Variants in IKBKE observed in about 807,000 individuals in gnomAD.
The protein encoded by IKBKE is inhibitor of nuclear factor kappa-B kinase subunit epsilon.
A neutral mutation model predicts 92.1 loss-of-function variants in IKBKE; 45 were observed. That is an observed-to-expected ratio of 0.49 (90% CI 0.38 to 0.63). The LOEUF is 0.63. Among genes scored for constraint, IKBKE ranks in the 20% least tolerant of loss-of-function variants. The pLI, the probability that IKBKE is intolerant of heterozygous loss-of-function variation, is 0.00. For synonymous variants in IKBKE, 374 were observed against 380.3 expected, an observed-to-expected ratio of 0.98 and a Z score of 0.19; for missense variants, 700 against 932.8, an observed-to-expected ratio of 0.75 and a Z score of 3.25.
rs1420544257 is a variant in IKBKE at position 206,473,438 on chromosome 1, G to T, written c.87+124G>T. ...TGGGACAGGGACCTCTGGATGTTGT[G>T]TAGCACACTCATACTGTGGGTTTGA... On this transcript the variant is annotated intron_variant, in intron 3 of 21. Transcript: ENST00000581977. The T allele has an allele frequency of 7.3e-6, 5 of 683,532 alleles. No homozygotes were observed. The Admixed American group carries it at 1.4e-4, about 19-fold the overall frequency. 42.3% of individuals were successfully genotyped at this position (683,532 alleles called of 1,614,324 possible).
At chr1:206,474,179 G>A (rs782237456) in intron 3 of IKBKE, 152 bp from the exon 4 acceptor site, 71 of 691,252 alleles carry the variant, frequency 1.0e-4, no homozygotes, top group South Asian at 4.0e-4. Context: ...AAGGCGGTGC[G>A]GATGGGAGCC....
At position 206,476,429 on chromosome 1, in the gene IKBKE, A is replaced by G; in HGVS notation, c.540+67A>G. The G allele has an allele frequency of 6.6e-7, 1 of 1,506,096 alleles. No individual in the cohort carries two copies. The highest frequency in any genetic ancestry group is 9.1e-7 in the Non-Finnish European group (1 of 1,102,666). The allele number at this position is 1,506,096 out of a possible 1,614,324, so 93.3% of individuals were successfully genotyped here. A position where few individuals can be genotyped will look rare whatever the true frequency, so the allele number is the denominator to read the frequency against. On this transcript the variant is annotated intron_variant, in intron 6 of 21. Transcript: ENST00000581977. This position sits in a 1 kb window ranked among gnomAD's most constrained non-coding sequence, Gnocchi z 5.1. ...TCCCCTTGCCTTGTGAGCCCCCCAGAGCCCCCATGAGGGGGTGTGGCCCAC... is the reference window on the plus strand; with the variant it reads ...TCCCCTTGCCTTGTGAGCCCCCCAGGGCCCCCATGAGGGGGTGTGGCCCAC...
chr1:206,476,552 T>C lies in IKBKE; in HGVS notation c.541-126T>C. On this transcript the variant is annotated intron_variant, in intron 6 of 21. Coordinates refer to ENST00000581977, the MANE Select transcript of IKBKE (RefSeq NM_014002.4). The surrounding 1 kb of genome is among the most constrained non-coding windows in gnomAD (Gnocchi z 5.1). ...GAAAAGGTGAGGCTGACACCCATTTTTAAGATGACAAAGAAGGATTTGAAC... is the reference window on the plus strand; with the variant it reads ...GAAAAGGTGAGGCTGACACCCATTTCTAAGATGACAAAGAAGGATTTGAAC... 1 of 1,253,996 alleles carries C rather than the reference T, an allele frequency of 8.0e-7. No homozygotes were observed. Among genetic ancestry groups the C allele is most frequent in the Non-Finnish European group, 1.1e-6 (1 of 896,900 alleles). The allele number at this position is 1,253,996 out of a possible 1,614,324, so 77.7% of individuals were successfully genotyped here.
chr1:206,489,369 G>C (rs868918091), intron 16 of IKBKE, among the ~76,000 whole-genome samples: 1 of 119,208 alleles, frequency 8.4e-6, no homozygotes, highest in East Asian at 2.5e-4. Context: ...GTGTGTGTGT[G>C]TATATATATA....
At chr1:206,471,538 G>C (rs930761204) in intron 2 of IKBKE, among the ~76,000 whole-genome samples, 17 of 152,216 alleles carry the variant, frequency 1.1e-4, no homozygotes, top group African/African-American at 4.1e-4. Context: ...AGAGTCCTGA[G>C]CTGTTCCTTG....
rs370442144 is a variant in IKBKE at position 206,480,039 on chromosome 1, C to T, written c.1266C>T (p.Gly422=). The T allele has an allele frequency of 6.2e-7, 1 of 1,608,042 alleles. No homozygotes were observed. Among genetic ancestry groups the T allele is most frequent in the African/African-American group, 1.3e-5 (1 of 74,532 alleles). The part of the protein sequence containing the change: ...YNTAKGVLGA[G]YQALRLARAL... ...TGTTTCAGGGCGTGTTGGGCGCCGGCTACCAGGCCCTGCGGCTGGCACGGG... is the reference window on the plus strand; with the variant it reads ...TGTTTCAGGGCGTGTTGGGCGCCGGTTACCAGGCCCTGCGGCTGGCACGGG... The change falls in exon 12 of 22, where the codon GGC becomes GGT. Residue 422 remains glycine, a synonymous_variant. Transcript: ENST00000581977.
chr1:206,492,857 T>C (rs2103484704), intron 18 of IKBKE, 166 bp from the exon 19 acceptor site: 1 of 711,060 alleles, frequency 1.4e-6, no homozygotes. Flanking sequence ...ATTATTGCAG[T>C]GGGGCGGGCA....
rs183329675 is a variant in IKBKE, at chr1:206,474,241, G to A, written c.88-90G>A. 4.6e-4 allele frequency: 599 copies of A among 1,305,060 alleles called. 1 individual carries two copies. In the African/African-American group the frequency reaches 6.9e-3, roughly 15 times the overall value. 80.8% of individuals were successfully genotyped at this position (1,305,060 alleles called of 1,614,324 possible). On this transcript the variant is annotated intron_variant, in intron 3 of 21. Coordinates refer to ENST00000581977, the MANE Select transcript of IKBKE (RefSeq NM_014002.4). ...GTTGGGCTGGCCGGAGAGGCTGAATGGAGGCCCAGGAGAGGGTGGCTGCTC... is the reference window on the plus strand; with the variant it reads ...GTTGGGCTGGCCGGAGAGGCTGAATAGAGGCCCAGGAGAGGGTGGCTGCTC...
chr1:206,486,784 G>C (rs577099950), intron 15 of IKBKE, among the ~76,000 whole-genome samples: 2 of 151,646 alleles, frequency 1.3e-5, no homozygotes, highest in African/African-American at 2.4e-5. Context: ...TTGGATGAAG[G>C]CTGTGGATCC....
At position 206,493,291 on chromosome 1, in the gene IKBKE, T is replaced by A. The variant is rs1553391148; in HGVS notation, c.1958T>A (p.Leu653His). 1.2e-6 allele frequency: 2 copies of A among 1,613,916 alleles called. No homozygotes were observed. Among genetic ancestry groups the A allele is most frequent in the Non-Finnish European group, 1.7e-6 (2 of 1,179,990 alleles). Reference sequence around the variant, plus strand: ...CTCCTGGAAGAGCTATCTCACCAGCTCCTTCAGGACCGAGCAAAGGGGGCT... The same window carrying A: ...CTCCTGGAAGAGCTATCTCACCAGCACCTTCAGGACCGAGCAAAGGGGGCT... ...SKLLEELSHQ[L>H]LQDRAKGAQA... The change falls in exon 20 of 22, where the codon CTC becomes CAC. Residue 653 changes from leucine to histidine, a missense_variant. Leu to His is a moderately conservative substitution (Grantham distance 99). Coordinates refer to ENST00000581977, the MANE Select transcript of IKBKE (RefSeq NM_014002.4).
Position 206,496,792 on chromosome 1 carries a change from C to A in IKBKE, c.*647C>A, listed in dbSNP as rs1666261498. 1 of 231,902 alleles carries A rather than the reference C, an allele frequency of 4.3e-6. No individual in the cohort carries two copies. Among genetic ancestry groups the A allele is most frequent in the Admixed American group, 5.6e-5 (1 of 17,742 alleles). 14.4% of individuals were successfully genotyped at this position (231,902 alleles called of 1,614,324 possible). A position where few individuals can be genotyped will look rare whatever the true frequency, so the allele number is the denominator to read the frequency against. On this transcript the variant is annotated 3_prime_UTR_variant, in exon 22 of 22. Transcript: ENST00000581977. ...TGGCTCTCCCTCACTCTCTGAGGCT[C>A]CAGCTGGTCCTGGGACATGCAGCCA... is the stretch of plus-strand genomic sequence containing the variant.
rs781938435 is a variant in IKBKE at position 206,485,067 on chromosome 1, C to T, written c.1498C>T (p.Arg500Trp). 23 of 1,613,366 alleles carry T rather than the reference C, an allele frequency of 1.4e-5. No homozygotes were observed. The highest frequency in any genetic ancestry group is 2.2e-5 in the East Asian group (1 of 44,896). Residue 500 changes from arginine to tryptophan, a missense_variant, in exon 14 of 22, where the codon CGG becomes TGG. By Grantham distance (101) the Arg-to-Trp change is moderately radical. Coordinates refer to ENST00000581977, the MANE Select transcript of IKBKE (RefSeq NM_014002.4). This position sits in a 1 kb window ranked among gnomAD's most constrained non-coding sequence, Gnocchi z 5.0. ...KAAAELRSRL[R>W]TLAEVLSRCS... Reference sequence around the variant, plus strand: ...GGCTGCAGAACTGAGGTCCAGGCTGCGGACTGTGAGTGAGGCTGGAGGGCA... The same window carrying T: ...GGCTGCAGAACTGAGGTCCAGGCTGTGGACTGTGAGTGAGGCTGGAGGGCA...
In IKBKE at chr1:206,485,301, CAGA is replaced by C. The variant is rs1553388334; in HGVS notation, c.1614_1616del (p.Arg538del). 1 of 1,599,174 alleles carries C rather than the reference CAGA, an allele frequency of 6.3e-7. No individual in the cohort carries two copies. Among genetic ancestry groups the C allele is most frequent in the Admixed American group, 1.7e-5 (1 of 60,024 alleles). ...AGAGCCGGGATCAGGTACATGAGGACAGAAGGTCTGTGGGATTTTCCTTCTTTG... is the reference window on the plus strand; with the variant it reads ...AGAGCCGGGATCAGGTACATGAGGACAGGTCTGTGGGATTTTCCTTCTTTG... On this transcript the variant is annotated inframe_deletion and splice_region_variant, in exon 15 of 22. Coordinates refer to ENST00000581977, the MANE Select transcript of IKBKE (RefSeq NM_014002.4). This position sits in a 1 kb window ranked among gnomAD's most constrained non-coding sequence, Gnocchi z 5.0.
At position 206,474,767 on chromosome 1, in the gene IKBKE, G is replaced by A. The variant is rs1553384754; in HGVS notation, c.229-98G>A. 2.1e-6 allele frequency: 3 copies of A among 1,452,102 alleles called. No individual in the cohort carries two copies. The East Asian group carries it at 7.0e-5, about 34-fold the overall frequency. 90.0% of individuals were successfully genotyped at this position (1,452,102 alleles called of 1,614,324 possible). A position where few individuals can be genotyped will look rare whatever the true frequency, so the allele number is the denominator to read the frequency against. ...AGGCCAGGCCAGAAGCTGGGACCTG[G>A]AGAATGGGGGCTCTGGGCTCCAGGC... On this transcript the variant is annotated intron_variant, in intron 4 of 21. Coordinates refer to ENST00000581977, the MANE Select transcript of IKBKE (RefSeq NM_014002.4).
chr1:206,493,310 G>A lies in IKBKE; in HGVS notation c.1977G>A (p.Lys659=). The A allele has an allele frequency of 1.9e-6, 3 of 1,614,072 alleles. No individual in the cohort carries two copies. The highest frequency in any genetic ancestry group is 2.5e-6 in the Non-Finnish European group (3 of 1,180,024). The change falls in exon 20 of 22, where the codon AAG becomes AAA. Residue 659 remains lysine, a synonymous_variant. Coordinates refer to ENST00000581977, the MANE Select transcript of IKBKE (RefSeq NM_014002.4). ...ACCAGCTCCTTCAGGACCGAGCAAAGGGGGCTCAGGCCTCGCCGCCTCCCA... is the reference window on the plus strand; with the variant it reads ...ACCAGCTCCTTCAGGACCGAGCAAAAGGGGCTCAGGCCTCGCCGCCTCCCA... The part of the protein sequence containing the change: ...LSHQLLQDRA[K]GAQASPPPIA...
At position 206,496,201 on chromosome 1, in the gene IKBKE, T is replaced by C; in HGVS notation, c.*56T>C. On this transcript the variant is annotated 3_prime_UTR_variant, in exon 22 of 22. Coordinates refer to ENST00000581977, the MANE Select transcript of IKBKE (RefSeq NM_014002.4). The stretch of plus-strand genomic sequence containing the variant: ...CATTAGAATGATTCCAACACTGCTC[T>C]TCTGCACCATGAGACCAACCCAGGG... The C allele has an allele frequency of 6.8e-7, 1 of 1,463,364 alleles. No individual in the cohort carries two copies. The highest frequency in any genetic ancestry group is 9.6e-7 in the Non-Finnish European group (1 of 1,042,254). 90.6% of individuals were successfully genotyped at this position (1,463,364 alleles called of 1,614,324 possible).
At chr1:206,475,091 C>A (rs1664989038) in intron 5 of IKBKE, 97 bp downstream of exon 5, 4 of 1,303,812 alleles carry the variant, frequency 3.1e-6, no homozygotes, top group South Asian at 1.4e-5. Context: ...GCTAATCATT[C>A]CATTTAAAAT....
chr1:206,475,652 G>A (rs12133684), intron 5 of IKBKE, among the ~76,000 whole-genome samples: 32,983 of 150,782 alleles, frequency 0.22, 3,966 homozygotes, highest in East Asian at 0.55. Flanking sequence ...CATGAGAATC[G>A]ATTGAACCTG....
At chr1:206,495,826 CTGG>C (rs1666204936) in intron 21 of IKBKE, among the ~76,000 whole-genome samples, 1 of 152,220 alleles carries the variant, frequency 6.6e-6, no homozygotes, top group Admixed American at 6.5e-5. Context: ...TGGCTACACA[CTGG>C]AATCACCAGG....
Sources: allele counts gnomAD v4.1 joint callset (sites outside exome capture counted in the v4.1 genomes callset), GRCh38; gene constraint gnomAD v4.1.1; non-coding constraint Gnocchi (gnomAD v3.1); transcripts MANE v1.5; gene names NCBI Gene and HGNC (gene_info 2026-07-23, HGNC 2026-07-21).